Variants in EPHA6 observed in about 807,000 individuals in gnomAD.
The protein encoded by EPHA6 is EPH receptor A6.
EPHA6 carries 50 observed loss-of-function variants against 112.0 expected under a neutral mutation model. The ratio of observed to expected loss-of-function variants is 0.45; its 90% CI spans 0.36 to 0.56. The LOEUF (loss-of-function observed/expected upper bound fraction) is 0.56, where lower values mean the gene tolerates loss of function less well. EPHA6 is among the 20% of genes least tolerant of loss of function. The pLI is 0.00. For missense variants in EPHA6, 1,280 were observed against 1,417.4 expected (o/e 0.90, Z 1.56); for synonymous variants, 529 against 490.7 (o/e 1.08, Z -1.03).
chr3:97,468,981 T>C (rs2107433530), intron 7 of EPHA6, among the ~76,000 whole-genome samples: 1 of 151,882 alleles, frequency 6.6e-6, no homozygotes, highest in East Asian at 1.9e-4. Context: ...CAGGGTTTAA[T>C]CTTAGAAGTA....
chr3:97,162,099 A>G (rs2108401919), intron 3 of EPHA6, among the ~76,000 whole-genome samples: 1 of 152,308 alleles, frequency 6.6e-6, no homozygotes, highest in Middle Eastern at 3.4e-3. Flanking sequence ...GAATAAGCAT[A>G]TGATAATCTA....
At chr3:97,419,387 G>A (rs1057174109) in intron 6 of EPHA6, among the ~76,000 whole-genome samples, 2 of 152,144 alleles carry the variant, frequency 1.3e-5, no homozygotes, top group African/African-American at 4.8e-5. Flanking sequence ...ACTTTGGGAG[G>A]CCGAGGTGGG....
chr3:97,356,170 G>T (rs1475125062), intron 5 of EPHA6, among the ~76,000 whole-genome samples: 1 of 152,108 alleles, frequency 6.6e-6, no homozygotes, highest in African/African-American at 2.4e-5. Context: ...TGCATACAAG[G>T]GATCGAGGTC....
chr3:97,142,448 A>T (rs1185499189), intron 3 of EPHA6, among the ~76,000 whole-genome samples: 3 of 151,964 alleles, frequency 2.0e-5, no homozygotes, highest in Non-Finnish European at 4.4e-5. Flanking sequence ...AACCAAGAAA[A>T]TAAGAGAGAT....
intron 3 of EPHA6, among the ~76,000 whole-genome samples, chr3:97,075,212 G>A (rs1466706679): frequency 2.6e-5 from 4 of 151,924 alleles, no homozygotes; most frequent in African/African-American, 9.7e-5. Flanking sequence ...CATGTAGAAT[G>A]ACATATAGAA....
At chr3:97,030,685 G>A (rs1438185714) in intron 3 of EPHA6, among the ~76,000 whole-genome samples, 2 of 151,942 alleles carry the variant, frequency 1.3e-5, no homozygotes, top group Non-Finnish European at 2.9e-5. Flanking sequence ...TTTTAATGAG[G>A]AGTTTGTAAA....
At chr3:97,268,501 A>T (rs987652448) in intron 5 of EPHA6, among the ~76,000 whole-genome samples, 1 of 152,244 alleles carries the variant, frequency 6.6e-6, no homozygotes, top group Non-Finnish European at 1.5e-5. Context: ...AACAATATTT[A>T]GAACATACTT....
intron 5 of EPHA6, among the ~76,000 whole-genome samples, chr3:97,340,385 TAA>T (rs1316989235): frequency 2.0e-5 from 3 of 152,158 alleles, no homozygotes; most frequent in African/African-American, 7.2e-5. Flanking sequence ...TTGGTTTATA[TAA>T]GAGTTTAGTA....
Position 97,324,429 on chromosome 3 carries a change from CTT to C in EPHA6, c.1606+80144_1606+80145del, listed in dbSNP as rs1346950374. Among the ~76,000 whole-genome samples, 27 of 145,366 alleles carry C rather than the reference CTT, an allele frequency of 1.9e-4. 1 individual carries two copies. The highest frequency in any genetic ancestry group is 6.8e-4 in the African/African-American group (26 of 38,408). ...CTTTTCTTTCTTTCTTTCTTTCTTT[CTT>C]TCTTTCTTTCTTTCTTTCTTTCTTT... is the stretch of plus-strand genomic sequence containing the variant. On this transcript the variant is annotated intron_variant, in intron 5 of 17. Coordinates refer to ENST00000389672, the MANE Select transcript of EPHA6 (RefSeq NM_001080448.3).
At chr3:97,020,884 A>G (rs2044434334) in intron 3 of EPHA6, among the ~76,000 whole-genome samples, 1 of 152,086 alleles carries the variant, frequency 6.6e-6, no homozygotes, top group Non-Finnish European at 1.5e-5. Context: ...TTTATATCCT[A>G]CTGCTCAAAG....
chr3:96,997,162 G>T (rs961330343), intron 3 of EPHA6, among the ~76,000 whole-genome samples: 4 of 151,852 alleles, frequency 2.6e-5, no homozygotes, highest in African/African-American at 4.8e-5. Context: ...CCATGTTAGG[G>T]TCTTATTCTG....
At chr3:97,167,902 T>C (rs2076581084) in intron 3 of EPHA6, among the ~76,000 whole-genome samples, 1 of 151,984 alleles carries the variant, frequency 6.6e-6, no homozygotes, top group Non-Finnish European at 1.5e-5. Context: ...ATTTTAATAC[T>C]CTGAAGTTTT....
chr3:97,348,393 GCAGAAATAAGTAT>G (rs1253730421), intron 5 of EPHA6, among the ~76,000 whole-genome samples: 1 of 151,864 alleles, frequency 6.6e-6, no homozygotes, highest in African/African-American at 2.4e-5. Flanking sequence ...TTAAAACTTG[GCAGAAATAAGTAT>G]CAGATCTATA....
At chr3:97,052,795 CAG>C (rs1383530870) in intron 3 of EPHA6, among the ~76,000 whole-genome samples, 1 of 152,026 alleles carries the variant, frequency 6.6e-6, no homozygotes, top group Non-Finnish European at 1.5e-5. Context: ...TTGATAAACT[CAG>C]GGGACCAGCT....
chr3:97,099,384 A>G (rs1010233857), intron 3 of EPHA6, among the ~76,000 whole-genome samples: 2 of 151,934 alleles, frequency 1.3e-5, no homozygotes, highest in African/African-American at 4.8e-5. Flanking sequence ...AAATCTGTTA[A>G]ATATTGCATA....
In EPHA6 at chr3:96,814,963, C is replaced by A; in HGVS notation, c.340C>A (p.Leu114Met). The A allele has an allele frequency of 6.5e-7, 1 of 1,545,494 alleles. No homozygotes were observed. The highest frequency in any genetic ancestry group is 8.8e-7 in the Non-Finnish European group (1 of 1,142,658). The change falls in exon 1 of 18, where the codon CTG (leucine) becomes ATG (methionine). Residue 114 changes from leucine (L) to methionine (M), a missense_variant. Physicochemically the swap from Leu to Met is conservative, Grantham distance 15 (BLOSUM62 2). Around this residue, in one of 4 missense-constraint regions of EPHA6, gnomAD observed 220 missense variants for 171.5 expected, o/e 1.28. Coordinates refer to ENST00000389672, the MANE Select transcript of EPHA6 (RefSeq NM_001080448.3). ...GCAATTTGGTTTCTTCTTGCCTCTG[C>A]TGACAGCGTGGCCAGGCGACTGCAG... ...LLQFGFFLPLLTAWPGDCSHV... is the reference protein window; with the variant it reads ...LLQFGFFLPLMTAWPGDCSHV...
At chr3:96,884,360 T>A (rs1020780726) in intron 2 of EPHA6, among the ~76,000 whole-genome samples, 2 of 152,234 alleles carry the variant, frequency 1.3e-5, no homozygotes, top group African/African-American at 2.4e-5. Flanking sequence ...GCACGGGATG[T>A]GTTTCCATTC....
At chr3:97,139,858 A>T (rs1328203605) in intron 3 of EPHA6, among the ~76,000 whole-genome samples, 1 of 152,212 alleles carries the variant, frequency 6.6e-6, no homozygotes, top group African/African-American at 2.4e-5. Flanking sequence ...AATGACAACG[A>T]ATTCCAAATA....
intron 1 of EPHA6, among the ~76,000 whole-genome samples, chr3:96,851,290 TAAAG>T (rs2035369342): frequency 6.6e-6 from 1 of 152,094 alleles, no homozygotes; most frequent in African/African-American, 2.4e-5. Flanking sequence ...ACTCCAATAA[TAAAG>T]AAATGTAAAG....
Sources: allele counts gnomAD v4.1 joint callset (sites outside exome capture counted in the v4.1 genomes callset), GRCh38; gene constraint gnomAD v4.1.1; regional missense constraint gnomAD v4.1.1; transcripts MANE v1.5; gene names NCBI Gene and HGNC (gene_info 2026-07-23, HGNC 2026-07-21).